EXOSC7: variants seen among roughly 807,000 people sequenced by gnomAD.
EXOSC7 encodes exosome component 7.
In EXOSC7, 25 loss-of-function variants were observed where a neutral mutation model predicts 34.3. That is an observed-to-expected ratio of 0.73 (90% CI 0.53 to 1.02). EXOSC7 has a LOEUF of 1.02. EXOSC7 is among the 50% of genes least tolerant of loss of function. The pLI, the probability that EXOSC7 is intolerant of heterozygous loss-of-function variation, is 0.00. For synonymous variants in EXOSC7, 130 were observed against 143.0 expected, an observed-to-expected ratio of 0.91 and a Z score of 0.65; for missense variants, 370 against 368.5, an observed-to-expected ratio of 1.00 and a Z score of -0.03.
At position 45,005,291 on chromosome 3, in the gene EXOSC7, G is replaced by T. The variant is rs762638022; in HGVS notation, c.492G>T (p.Arg164Ser). Residue 164 changes from arginine to serine, a missense_variant and splice_region_variant, in exon 6 of 8, where the codon AGG becomes AGT. Physicochemically the swap from Arg to Ser is moderately radical, Grantham distance 110 (BLOSUM62 -1). Around this residue, in one of 3 missense-constraint regions of EXOSC7, gnomAD observed 255 missense variants for 246.4 expected, o/e 1.03. Coordinates refer to ENST00000265564, the MANE Select transcript of EXOSC7 (RefSeq NM_015004.4). ...ATTTTACTAGTGCTTCTGCTTCCAG[G>T]ATACCAAGGGTTCGAGTTTTGGAGG... ...IAVKAALFNT[R>S]IPRVRVLEDE... is the part of the protein sequence containing the mutation. 1 of 1,614,028 alleles carries T rather than the reference G, an allele frequency of 6.2e-7. No homozygotes were observed. Among genetic ancestry groups the T allele is most frequent in the East Asian group, 2.2e-5 (1 of 44,878 alleles).
At chr3:45,007,279 G>A (rs568723320) in intron 6 of EXOSC7, 141 bp from the exon 7 acceptor site, 19 of 826,388 alleles carry the variant, frequency 2.3e-5, no homozygotes, top group Admixed American at 1.2e-4. Flanking sequence ...TGTTTTCCTC[G>A]TGAGCAGAAT....
At chr3:44,986,240 C>T (rs1245518761) in intron 1 of EXOSC7, among the ~76,000 whole-genome samples, 15 of 152,142 alleles carry the variant, frequency 9.9e-5, no homozygotes, top group Middle Eastern at 3.4e-3. Flanking sequence ...GGGAGGCTCC[C>T]GCATGGCAGG....
In EXOSC7 at chr3:45,010,408, C is replaced by T. The variant is rs1157489929; in HGVS notation, c.772-827C>T. Among the ~76,000 whole-genome samples the T allele has an allele frequency of 3.3e-5, 5 of 152,018 alleles. No homozygotes were observed. The South Asian group carries it at 1.0e-3, about 32-fold the overall frequency. ...GTCTACAGGCGCATACCACCATGCA[C>T]AGCTAATTTTTAGTTTTTTGTAGAG... On this transcript the variant is annotated intron_variant, in intron 7 of 7. Transcript: ENST00000265564.
intron 3 of EXOSC7, among the ~76,000 whole-genome samples, chr3:44,991,042 CAG>C (rs1423275321): frequency 6.6e-6 from 1 of 152,170 alleles, no homozygotes; most frequent in African/African-American, 2.4e-5. Flanking sequence ...CAAATGAGTT[CAG>C]AGAGAGTAAG....
At chr3:45,003,226 T>C (rs1210802890) in intron 5 of EXOSC7, among the ~76,000 whole-genome samples, 3 of 152,178 alleles carry the variant, frequency 2.0e-5, no homozygotes, top group African/African-American at 7.2e-5. Context: ...ACTATTGGCA[T>C]ATTCAGGGTC....
At chr3:44,979,194 G>T (rs1011063256) in intron 1 of EXOSC7, among the ~76,000 whole-genome samples, 1 of 152,204 alleles carries the variant, frequency 6.6e-6, no homozygotes, top group Non-Finnish European at 1.5e-5. Context: ...GGATGCAGGT[G>T]AATGAGCCTA....
At chr3:44,987,383 T>C (rs983432815) in intron 1 of EXOSC7, among the ~76,000 whole-genome samples, 2 of 152,214 alleles carry the variant, frequency 1.3e-5, no homozygotes, top group Non-Finnish European at 1.5e-5. Flanking sequence ...AACCATGATG[T>C]GGGGGAACCC....
intron 2 of EXOSC7, 107 bp from the exon 3 acceptor site, chr3:44,989,443 C>A: frequency 1.1e-6 from 1 of 951,782 alleles, no homozygotes; most frequent in Non-Finnish European, 1.6e-6. Context: ...AGTCTTAGCA[C>A]TGCTCCTAAA....
intron 1 of EXOSC7, among the ~76,000 whole-genome samples, chr3:44,982,275 T>G (rs1318789328): frequency 6.6e-6 from 1 of 152,234 alleles, no homozygotes; most frequent in Non-Finnish European, 1.5e-5. Context: ...AAAGAGTTGG[T>G]CACCCTTTGG....
intron 1 of EXOSC7, among the ~76,000 whole-genome samples, chr3:44,983,538 C>T (rs1322725730): frequency 6.6e-6 from 1 of 151,288 alleles, no homozygotes; most frequent in Non-Finnish European, 1.5e-5. Context: ...CACACCACAC[C>T]CTACTGGTAG....
chr3:44,982,682 T>C (rs1306293831), intron 1 of EXOSC7, among the ~76,000 whole-genome samples: 1 of 152,228 alleles, frequency 6.6e-6, no homozygotes, highest in Non-Finnish European at 1.5e-5. Flanking sequence ...GCAGTCAGTA[T>C]TCGGTTGCTC....
At chr3:44,981,900 GA>G (rs1236736420) in intron 1 of EXOSC7, among the ~76,000 whole-genome samples, 1 of 152,042 alleles carries the variant, frequency 6.6e-6, no homozygotes, top group Non-Finnish European at 1.5e-5. Context: ...GAAAGAAAAA[GA>G]AAAAAGAGAA....
chr3:44,976,736 G>A (rs911738972), intron 1 of EXOSC7, among the ~76,000 whole-genome samples: 1 of 152,214 alleles, frequency 6.6e-6, no homozygotes, highest in Non-Finnish European at 1.5e-5. Context: ...TCGTGGTTAG[G>A]AGGGCGCATG....
At chr3:44,980,030 GC>G (rs1396995418) in intron 1 of EXOSC7, among the ~76,000 whole-genome samples, 1 of 151,832 alleles carries the variant, frequency 6.6e-6, no homozygotes, top group Non-Finnish European at 1.5e-5. Context: ...TTCCAAAGGG[GC>G]CAGGGGAGGA....
At chr3:44,998,300 T>C (rs1483046449) in intron 4 of EXOSC7, among the ~76,000 whole-genome samples, 4 of 152,082 alleles carry the variant, frequency 2.6e-5, no homozygotes, top group Non-Finnish European at 4.4e-5. Context: ...CCTCCCAAAG[T>C]GCGGGGATTA....
intron 1 of EXOSC7, among the ~76,000 whole-genome samples, chr3:44,986,274 G>A (rs562244943): frequency 9.8e-4 from 150 of 152,286 alleles, no homozygotes; most frequent in African/African-American, 3.3e-3. Flanking sequence ...GCCCTGCCCC[G>A]TGGGAAGGCA....
At chr3:44,990,661 C>T (rs563312956) in intron 3 of EXOSC7, among the ~76,000 whole-genome samples, 38 of 152,228 alleles carry the variant, frequency 2.5e-4, no homozygotes, top group African/African-American at 8.7e-4. Flanking sequence ...ACATTTCTGC[C>T]CAGGAAAGCC....
At chr3:45,001,469 C>T (rs936722579) in intron 4 of EXOSC7, 69 bp from the exon 5 acceptor site, 2 of 1,123,426 alleles carry the variant, frequency 1.8e-6, no homozygotes, top group East Asian at 2.3e-5. Flanking sequence ...TGTCCTTTAA[C>T]TGGGGTAATA....
At chr3:45,006,684 G>A (rs1707055521) in intron 6 of EXOSC7, among the ~76,000 whole-genome samples, 1 of 151,890 alleles carries the variant, frequency 6.6e-6, no homozygotes, top group Non-Finnish European at 1.5e-5. Flanking sequence ...CCAAAGTGCT[G>A]GGATTACAGG....
Sources: gnomAD v4.1 joint callset for allele counts (sites outside exome capture counted in the v4.1 genomes callset) on GRCh38, gnomAD v4.1.1 for gene constraint, gnomAD v4.1.1 regional missense constraint, MANE v1.5 for transcripts, NCBI Gene and HGNC (gene_info 2026-07-23, HGNC 2026-07-21) for gene names.